MCHR2: variants seen among roughly 807,000 people sequenced by gnomAD.
MCHR2 encodes the protein melanin-concentrating hormone receptor 2.
A neutral mutation model predicts 24.8 loss-of-function variants in MCHR2; 15 were observed. The ratio of observed to expected loss-of-function variants is 0.60; its 90% CI spans 0.40 to 0.93. MCHR2 has a LOEUF of 0.93. MCHR2 is among the 40% of genes least tolerant of loss of function. The probability of loss-of-function intolerance (pLI) is 0.00; values close to 1 mark genes in which losing one functional copy is unlikely to be tolerated. For synonymous variants in MCHR2, 151 were observed against 147.6 expected (o/e 1.02, Z -0.17); for missense variants, 386 against 408.7 (o/e 0.94, Z 0.48).
At chr6:99,973,659 T>C (rs940813233) in intron 1 of MCHR2, among the ~76,000 whole-genome samples, 8 of 152,240 alleles carry the variant, frequency 5.3e-5, no homozygotes, top group African/African-American at 7.2e-5. Context: ...CTAGCCTTGA[T>C]GGTCTTTACA....
At chr6:99,953,059 G>A (rs1466185980) in intron 2 of MCHR2, among the ~76,000 whole-genome samples, 3 of 152,082 alleles carry the variant, frequency 2.0e-5, no homozygotes, top group East Asian at 3.9e-4. Context: ...ATAAGTTACA[G>A]CTCAGAATTG....
chr6:99,988,541 G>A (rs200443430), intron 1 of MCHR2, among the ~76,000 whole-genome samples: 1 of 152,176 alleles, frequency 6.6e-6, no homozygotes, highest in East Asian at 1.9e-4. Context: ...GGTAGGAGGA[G>A]TGAAATTACA....
At chr6:99,921,631 A>G (rs899587300) in intron 5 of MCHR2, among the ~76,000 whole-genome samples, 2 of 152,180 alleles carry the variant, frequency 1.3e-5, no homozygotes, top group Admixed American at 6.5e-5. Flanking sequence ...GAACAATCCA[A>G]TTATACTCTT....
At chr6:99,935,166 C>T (rs1774630968) in intron 4 of MCHR2, among the ~76,000 whole-genome samples, 1 of 151,964 alleles carries the variant, frequency 6.6e-6, no homozygotes, top group Non-Finnish European at 1.5e-5. Context: ...AATCAGTGTA[C>T]TTGGAATATC....
chr6:99,951,336 C>A (rs1005492437), intron 2 of MCHR2, among the ~76,000 whole-genome samples: 1 of 152,080 alleles, frequency 6.6e-6, no homozygotes, highest in African/African-American at 2.4e-5. Flanking sequence ...ACAGGACAGA[C>A]CTATACAGGA....
intron 1 of MCHR2, among the ~76,000 whole-genome samples, chr6:99,957,735 T>C (rs901151540): frequency 7.2e-6 from 1 of 138,970 alleles, no homozygotes; most frequent in Non-Finnish European, 1.6e-5. Flanking sequence ...AAAAAGAAAG[T>C]TTAAAAGAGT....
chr6:99,947,966 C>T lies in MCHR2; in HGVS notation c.188G>A (p.Arg63Lys), dbSNP rs147988902. The change falls in exon 3 of 6, where the codon AGG (arginine) becomes AAG (lysine). Residue 63 changes from arginine to lysine, a missense_variant. Transcript: ENST00000281806. ...ILIVFTIIRSRKKTVPDIYIC... is the reference protein window; with the variant it reads ...ILIVFTIIRSKKKTVPDIYIC... Reference sequence around the variant, plus strand: ...ATAGATGTCAGGGACTGTTTTTTTCCTGGATCTGAAAGAGATAGAGGAAAC... The same window carrying T: ...ATAGATGTCAGGGACTGTTTTTTTCTTGGATCTGAAAGAGATAGAGGAAAC... 1.8e-4 allele frequency: 292 copies of T among 1,612,916 alleles called. No individual in the cohort carries two copies. The African/African-American group carries it at 3.4e-3, about 19-fold the overall frequency.
intron 1 of MCHR2, among the ~76,000 whole-genome samples, chr6:99,970,463 C>T (rs1253078115): frequency 6.6e-6 from 1 of 151,858 alleles, no homozygotes; most frequent in Non-Finnish European, 1.5e-5. Flanking sequence ...GGATATTAGC[C>T]CTTTGTCATA....
At chr6:99,929,403 C>T (rs577676479) in intron 5 of MCHR2, among the ~76,000 whole-genome samples, 4 of 152,252 alleles carry the variant, frequency 2.6e-5, no homozygotes, top group African/African-American at 9.6e-5. Context: ...TGTTAACTTT[C>T]TGTCTCATTG....
Position 99,950,405 on chromosome 6 carries a change from C to T in MCHR2, c.183-2434G>A, listed in dbSNP as rs1041022321. Among the ~76,000 whole-genome samples the T allele has an allele frequency of 5.5e-4, 84 of 151,922 alleles. 1 individual carries two copies. The highest frequency in any genetic ancestry group is 1.8e-3 in the African/African-American group (76 of 41,356). The stretch of plus-strand genomic sequence containing the variant: ...GACTTCATGGAATTTATATTTCTTA[C>T]GATGTAAACATTTAATATAAAATAC... On this transcript the variant is annotated intron_variant, in intron 2 of 5. Transcript: ENST00000281806.
chr6:99,921,343 T>A, intron 5 of MCHR2, 88 bp from the exon 6 acceptor site: 1 of 1,180,526 alleles, frequency 8.5e-7, no homozygotes, highest in East Asian at 2.4e-5. Flanking sequence ...GGACAGTTCA[T>A]AATGGCTTTG....
At chr6:99,971,909 G>T (rs1293402381) in intron 1 of MCHR2, among the ~76,000 whole-genome samples, 2 of 152,338 alleles carry the variant, frequency 1.3e-5, no homozygotes, top group South Asian at 2.1e-4. Flanking sequence ...CAGGGATGAA[G>T]CCCATTTGAT....
At chr6:99,984,629 C>G (rs760955531) in intron 1 of MCHR2, among the ~76,000 whole-genome samples, 40 of 151,878 alleles carry the variant, frequency 2.6e-4, no homozygotes, top group Non-Finnish European at 4.6e-4. Context: ...ATCTAGCATC[C>G]CTTCATGATA....
chr6:99,990,377 T>TATTTACCCTGTATGTGTGTGTGTGTATTC, intron 1 of MCHR2, among the ~76,000 whole-genome samples: 1 of 152,160 alleles, frequency 6.6e-6, no homozygotes, highest in Admixed American at 6.5e-5. Context: ...ATAAACACAC[T>TATTTACCCTGTATGTGTGTGTGTGTATTC]ATTTACCCTG....
intron 5 of MCHR2, among the ~76,000 whole-genome samples, chr6:99,927,514 G>A (rs994571590): frequency 1.2e-4 from 19 of 152,018 alleles, no homozygotes; most frequent in Admixed American, 2.0e-4. Context: ...TATTTCATTG[G>A]GCAGTGGTTT....
chr6:99,925,679 C>T (rs1774337531), intron 5 of MCHR2, among the ~76,000 whole-genome samples: 1 of 151,882 alleles, frequency 6.6e-6, no homozygotes, highest in African/African-American at 2.4e-5. Flanking sequence ...AAAAAGAAAA[C>T]CAGTAAAAAC....
chr6:99,991,572 C>T (rs1775876037), intron 1 of MCHR2, among the ~76,000 whole-genome samples: 1 of 152,052 alleles, frequency 6.6e-6, no homozygotes, highest in Admixed American at 6.6e-5. Context: ...CTTTGGGAGG[C>T]CGAGGCAGGT....
chr6:99,942,813 T>C (rs1180872058), intron 4 of MCHR2, 136 bp downstream of exon 4: 4 of 609,434 alleles, frequency 6.6e-6, no homozygotes, highest in Middle Eastern at 2.9e-4. Flanking sequence ...ATTGTATGTG[T>C]GGAGAAACCT....
Position 99,920,424 on chromosome 6 carries a change from T to C in MCHR2, c.*516A>G, listed in dbSNP as rs201808904. On this transcript the variant is annotated 3_prime_UTR_variant, in exon 6 of 6. Transcript: ENST00000281806. The stretch of plus-strand genomic sequence containing the variant: ...AATCTTACACATTGCATGTGTGCAA[T>C]AAATGGTAACTTATTCTAAAAGGTG... 32 of 155,404 alleles carry C rather than the reference T, an allele frequency of 2.1e-4. No homozygotes were observed. The highest frequency in any genetic ancestry group is 4.3e-4 in the Non-Finnish European group (30 of 69,906). 9.6% of individuals were successfully genotyped at this position (155,404 alleles called of 1,614,324 possible).
Sources: allele counts gnomAD v4.1 joint callset (sites outside exome capture counted in the v4.1 genomes callset), GRCh38; gene constraint gnomAD v4.1.1; transcripts MANE v1.5; gene names NCBI Gene and HGNC (gene_info 2026-07-23, HGNC 2026-07-21).